RALGDS: variants seen among roughly 807,000 people sequenced by gnomAD.
RALGDS encodes ral guanine nucleotide dissociation stimulator.
A neutral mutation model predicts 99.8 loss-of-function variants in RALGDS; 44 were observed. That is an observed-to-expected ratio of 0.44 (90% CI 0.35 to 0.57). RALGDS has a LOEUF of 0.57. Among genes scored for constraint, RALGDS ranks in the 20% least tolerant of loss-of-function variants. RALGDS has a pLI of 0.01. For missense variants in RALGDS, 1,022 were observed against 1,203.1 expected (o/e 0.85, Z 2.23); for synonymous variants, 529 against 505.0 (o/e 1.05, Z -0.64).
chr9:133,129,568 C>G (rs988063074), intron 1 of RALGDS, among the ~76,000 whole-genome samples: 1 of 152,174 alleles, frequency 6.6e-6, no homozygotes, highest in Non-Finnish European at 1.5e-5. Flanking sequence ...TCTCCAAGTC[C>G]CCACTCCCAT....
chr9:133,120,943 C>G, intron 1 of RALGDS, 29 bp downstream of exon 1: 2 of 1,473,386 alleles, frequency 1.4e-6, no homozygotes, highest in African/African-American at 1.5e-5. Flanking sequence ...TCCGACGCAC[C>G]CCCCGCCCGA....
intron 9 of RALGDS, 107 bp downstream of exon 9, chr9:133,105,825 G>GA: frequency 8.0e-5 from 7 of 87,576 alleles, no homozygotes; most frequent in Admixed American, 3.5e-4. Flanking sequence ...CGCCGCCCCA[G>GA]CCCCCGCCCC....
chr9:133,102,709 G>T (rs1032660218), intron 13 of RALGDS, 70 bp downstream of exon 13: 1 of 1,601,834 alleles, frequency 6.2e-7, no homozygotes, highest in Non-Finnish European at 8.5e-7. Context: ...GGTCATAGCT[G>T]CTGGCCCTCT....
At position 133,108,196 on chromosome 9, in the gene RALGDS, G is replaced by C; in HGVS notation, c.989C>G (p.Ala330Gly). 1.9e-6 allele frequency: 3 copies of C among 1,612,228 alleles called. No homozygotes were observed. Among genetic ancestry groups the C allele is most frequent in the Non-Finnish European group, 2.5e-6 (3 of 1,179,876 alleles). ...EPAVGLESAPAPALELEPAPE... is the reference protein window; with the variant it reads ...EPAVGLESAPGPALELEPAPE... ...AGCTGGCTCTAGTTCCAGAGCTGGC[G>C]CTGGAGCCGATTCTAGTCCCACAGC... The change falls in exon 6 of 18, where the codon GCG (alanine) becomes GGG (glycine). Residue 330 changes from alanine (A) to glycine (G), a missense_variant. By Grantham distance (60) the Ala-to-Gly change is moderately conservative. Coordinates refer to ENST00000372050, the MANE Select transcript of RALGDS (RefSeq NM_006266.4).
chr9:133,106,799 G>C (rs756956027), intron 7 of RALGDS, 51 bp from the exon 8 acceptor site: 3 of 1,414,676 alleles, frequency 2.1e-6, no homozygotes, highest in Non-Finnish European at 3.0e-6. Context: ...CTCCCAGCTT[G>C]CCTGGCCTCA....
intron 17 of RALGDS, 50 bp downstream of exon 17, chr9:133,100,211 CTGGGGAG>C: frequency 1.3e-6 from 2 of 1,486,914 alleles, no homozygotes; most frequent in Non-Finnish European, 1.9e-6. Context: ...CAACCTGGGG[CTGGGGAG>C]TGGTGTGGAC....
intron 1 of RALGDS, among the ~76,000 whole-genome samples, chr9:133,138,166 T>C (rs1244428835): frequency 1.3e-5 from 2 of 152,200 alleles, no homozygotes; most frequent in African/African-American, 4.8e-5. Flanking sequence ...CTTGGCTGGC[T>C]GCCAGGAGGT....
chr9:133,103,541 G>T, intron 11 of RALGDS: 1 of 697,002 alleles, frequency 1.4e-6, no homozygotes, highest in Non-Finnish European at 2.5e-6. Context: ...GCTTCCCTCT[G>T]TGCTCAGGGT....
intron 17 of RALGDS, 199 bp downstream of exon 17, chr9:133,100,069 A>C (rs1830681740): frequency 1.5e-6 from 1 of 653,458 alleles, no homozygotes; most frequent in Middle Eastern, 3.4e-4. Flanking sequence ...GTTCACGCCT[A>C]GGGAAGGGCA....
chr9:133,120,946 C>T (rs571432292), intron 1 of RALGDS, 26 bp downstream of exon 1: 1 of 1,473,536 alleles, frequency 6.8e-7, no homozygotes, highest in African/African-American at 1.5e-5. Flanking sequence ...GACGCACCCC[C>T]CGCCCGACCG....
intron 7 of RALGDS, 128 bp downstream of exon 7, chr9:133,106,957 T>G: frequency 9.2e-7 from 1 of 1,084,100 alleles, no homozygotes; most frequent in South Asian, 1.3e-5. Context: ...GGCAGTGGGC[T>G]GGGAGAGTCA....
intron 1 of RALGDS, among the ~76,000 whole-genome samples, chr9:133,146,351 C>G (rs1348527897): frequency 6.6e-6 from 1 of 152,172 alleles, no homozygotes. Flanking sequence ...AGACACCCAG[C>G]TAATTTTTGT....
chr9:133,129,502 C>A, intron 1 of RALGDS: 1 of 1,326,794 alleles, frequency 7.5e-7, no homozygotes, highest in South Asian at 1.9e-5. Context: ...AGGCCATGGG[C>A]CAGCCGAGGA....
intron 1 of RALGDS, 118 bp from the exon 2 acceptor site, chr9:133,112,270 C>G (rs1167166626): frequency 1.4e-6 from 1 of 711,650 alleles, no homozygotes; most frequent in Non-Finnish European, 2.5e-6. Flanking sequence ...GGCGGCTGCA[C>G]AGACCTACAG....
intron 1 of RALGDS, among the ~76,000 whole-genome samples, chr9:133,137,187 C>T (rs1032659065): frequency 2.0e-5 from 3 of 151,984 alleles, no homozygotes; most frequent in Non-Finnish European, 2.9e-5. Flanking sequence ...GAGCTGAGAT[C>T]GTGCCACTGC....
chr9:133,117,263 C>A (rs1442758295), intron 1 of RALGDS, among the ~76,000 whole-genome samples: 6 of 152,230 alleles, frequency 3.9e-5, no homozygotes, highest in African/African-American at 1.4e-4. Flanking sequence ...AACAGGAGAG[C>A]TGGCATCATG....
intron 1 of RALGDS, among the ~76,000 whole-genome samples, chr9:133,126,310 C>T (rs896472060): frequency 3.3e-5 from 5 of 152,134 alleles, no homozygotes; most frequent in African/African-American, 7.2e-5. Context: ...TTTCGGAAGT[C>T]GGGACGCTGC....
At chr9:133,121,277 G>C (rs554400251), upstream of RALGDS, 1,712 of 981,818 alleles carry the variant, frequency 1.7e-3, 2 homozygotes, top group Non-Finnish European at 1.9e-3. Flanking sequence ...TGTCAGGCTG[G>C]GGGGCGGGGC....
At chr9:133,145,474 G>A (rs944926218) in intron 1 of RALGDS, among the ~76,000 whole-genome samples, 17 of 148,158 alleles carry the variant, frequency 1.1e-4, no homozygotes, top group African/African-American at 2.1e-4. Context: ...TCAGATGTTC[G>A]TAAAAATCTG....
Sources: allele counts gnomAD v4.1 joint callset (sites outside exome capture counted in the v4.1 genomes callset), GRCh38; gene constraint gnomAD v4.1.1; transcripts MANE v1.5; gene names NCBI Gene and HGNC (gene_info 2026-07-23, HGNC 2026-07-21).